The following ACER3 variants were observed in gnomAD, a reference collection of about 807,000 sequenced individuals.
The protein encoded by ACER3 is alkaline ceramidase 3.
Under a neutral mutation model 48.9 loss-of-function variants are expected in ACER3, and 16 were observed. The observed-to-expected ratio is 0.33, with a 90% confidence interval of 0.22 to 0.50. The LOEUF (loss-of-function observed/expected upper bound fraction) is 0.50, where lower values mean the gene tolerates loss of function less well. Among genes scored for constraint, ACER3 ranks in the 20% least tolerant of loss-of-function variants. The pLI, the probability that ACER3 is intolerant of heterozygous loss-of-function variation, is 0.98. For synonymous variants in ACER3, 109 were observed against 107.8 expected, an observed-to-expected ratio of 1.01 and a Z score of -0.07; for missense variants, 227 against 326.0, an observed-to-expected ratio of 0.70 and a Z score of 2.34.
At chr11:76,973,598 G>A (rs1318521554) in intron 3 of ACER3, among the ~76,000 whole-genome samples, 1 of 152,114 alleles carries the variant, frequency 6.6e-6, no homozygotes, top group Non-Finnish European at 1.5e-5. Flanking sequence ...CCCCTAGCAG[G>A]CCCCCTACAG....
chr11:76,908,486 T>A (rs987397675), intron 1 of ACER3, among the ~76,000 whole-genome samples: 2 of 152,006 alleles, frequency 1.3e-5, no homozygotes, highest in Non-Finnish European at 2.9e-5. Context: ...ATGAGGGAAC[T>A]CCCATTCACA....
chr11:76,868,314 A>C, intron 1 of ACER3: 1 of 1,257,834 alleles, frequency 8.0e-7, no homozygotes, highest in Non-Finnish European at 1.0e-6. Context: ...TCATAAGTCA[A>C]CTGAAGAATG....
intron 9 of ACER3, 91 bp from the exon 10 acceptor site, chr11:77,019,640 C>T (rs1555023990): frequency 1.6e-6 from 2 of 1,261,882 alleles, no homozygotes; most frequent in Non-Finnish European, 2.3e-6. Context: ...TTCGTACATG[C>T]AGAAGCACTA....
chr11:76,908,289 A>T (rs1946285047), intron 1 of ACER3, among the ~76,000 whole-genome samples: 1 of 152,176 alleles, frequency 6.6e-6, no homozygotes, highest in African/African-American at 2.4e-5. Context: ...AAATAGTATG[A>T]TTTTATATTT....
chr11:76,893,426 A>G (rs1945855795), intron 1 of ACER3, among the ~76,000 whole-genome samples: 1 of 152,200 alleles, frequency 6.6e-6, no homozygotes, highest in South Asian at 2.1e-4. Context: ...CTTATATTTG[A>G]ATCATGACTT....
chr11:76,961,561 AAAG>A (rs1350833556), intron 3 of ACER3, among the ~76,000 whole-genome samples: 1 of 151,686 alleles, frequency 6.6e-6, no homozygotes, highest in Non-Finnish European at 1.5e-5. Flanking sequence ...GAAAAAAAAA[AAAG>A]GACAATATCA....
At chr11:76,940,149 AT>A (rs920424938) in intron 2 of ACER3, among the ~76,000 whole-genome samples, 16 of 148,400 alleles carry the variant, frequency 1.1e-4, no homozygotes, top group Admixed American at 1.3e-4. Flanking sequence ...AGATACTTAA[AT>A]TTTTTTTTTT....
In ACER3 at chr11:77,008,484, T is replaced by C. The variant is rs112611224; in HGVS notation, c.498-6532T>C. On this transcript the variant is annotated intron_variant, in intron 7 of 10. Coordinates refer to ENST00000532485, the MANE Select transcript of ACER3 (RefSeq NM_018367.7). The stretch of plus-strand genomic sequence containing the variant: ...CTTGCCACAACTTCTTTCCTATATG[T>C]CCATTTGTTGATCATTTCATTTAGC... Among the ~76,000 whole-genome samples the C allele has an allele frequency of 5.8e-3, 880 of 152,330 alleles. 2 individuals carry two copies. The highest frequency in any genetic ancestry group is 0.01 in the Middle Eastern group (3 of 294).
intron 6 of ACER3, among the ~76,000 whole-genome samples, chr11:76,991,529 C>T (rs1371619026): frequency 6.6e-6 from 1 of 151,978 alleles, no homozygotes; most frequent in Non-Finnish European, 1.5e-5. Context: ...AAAAGACATC[C>T]TCACGGCCGG....
At chr11:76,875,897 G>C (rs138287975) in intron 1 of ACER3, among the ~76,000 whole-genome samples, 1 of 151,466 alleles carries the variant, frequency 6.6e-6, no homozygotes, top group African/African-American at 2.4e-5. Flanking sequence ...CACCACACCC[G>C]GCTAATTTTT....
At chr11:76,938,085 G>A (rs1947244512) in intron 2 of ACER3, among the ~76,000 whole-genome samples, 1 of 152,124 alleles carries the variant, frequency 6.6e-6, no homozygotes, top group African/African-American at 2.4e-5. Flanking sequence ...TGCAATCACG[G>A]CTCTCTACAG....
chr11:76,894,067 G>A (rs1945872235), intron 1 of ACER3, among the ~76,000 whole-genome samples: 1 of 152,126 alleles, frequency 6.6e-6, no homozygotes, highest in Non-Finnish European at 1.5e-5. Flanking sequence ...GAGGTGGAAG[G>A]ATCGCTTGAG....
chr11:76,901,455 A>G (rs1946080473), intron 1 of ACER3, among the ~76,000 whole-genome samples: 2 of 152,096 alleles, frequency 1.3e-5, no homozygotes, highest in Non-Finnish European at 2.9e-5. Flanking sequence ...TAGCAGCTTT[A>G]TAGATAAGGG....
rs181351985 is a variant in ACER3, at chr11:76,882,036, G to T, written c.103+20957G>T. 2.7e-4 allele frequency among the ~76,000 whole-genome samples: 36 copies of T among 130,926 alleles called. No homozygotes were observed. The East Asian group carries it at 7.0e-3, about 25-fold the overall frequency. The allele number at this position is 130,926 out of a possible 152,430, so 85.9% of individuals were successfully genotyped here. A position where few individuals can be genotyped will look rare whatever the true frequency, so the allele number is the denominator to read the frequency against. On this transcript the variant is annotated intron_variant, in intron 1 of 10. Transcript: ENST00000532485. ...TTTTTTTTTTTTGAGATGGAGTCTCGCTCTGTTGTTCAGGCTGGAGTGCAG... is the reference window on the plus strand; with the variant it reads ...TTTTTTTTTTTTGAGATGGAGTCTCTCTCTGTTGTTCAGGCTGGAGTGCAG...
At chr11:76,944,123 A>T (rs1280161966) in intron 2 of ACER3, among the ~76,000 whole-genome samples, 1 of 152,006 alleles carries the variant, frequency 6.6e-6, no homozygotes, top group Non-Finnish European at 1.5e-5. Context: ...CAATCTATAT[A>T]TTTTAAGTGG....
At chr11:76,934,037 A>T (rs1194137801) in intron 2 of ACER3, among the ~76,000 whole-genome samples, 2 of 149,914 alleles carry the variant, frequency 1.3e-5, no homozygotes. Context: ...CACTCCCCAC[A>T]TCTCAGACAA....
intron 6 of ACER3, among the ~76,000 whole-genome samples, chr11:76,997,186 C>A (rs113448172): frequency 4.0e-4 from 61 of 152,176 alleles, no homozygotes; most frequent in African/African-American, 1.3e-3. Context: ...CACAATAATT[C>A]TCTTCCACTT....
At chr11:76,953,968 A>G (rs1947762009) in intron 2 of ACER3, among the ~76,000 whole-genome samples, 1 of 132,904 alleles carries the variant, frequency 7.5e-6, no homozygotes. Flanking sequence ...TTTTTTTGAG[A>G]TGGAGTTTCA....
At chr11:76,886,529 T>A (rs892750820) in intron 1 of ACER3, among the ~76,000 whole-genome samples, 8 of 152,204 alleles carry the variant, frequency 5.3e-5, no homozygotes, top group Admixed American at 2.6e-4. Flanking sequence ...AAGGAAGATG[T>A]TGTTAAATTG....
Sources: allele counts gnomAD v4.1 joint callset (sites outside exome capture counted in the v4.1 genomes callset), GRCh38; gene constraint gnomAD v4.1.1; transcripts MANE v1.5; gene names NCBI Gene and HGNC (gene_info 2026-07-23, HGNC 2026-07-21).